SOX6: variants seen among roughly 807,000 people sequenced by gnomAD.
The protein encoded by SOX6 is SRY-box transcription factor 6.
SOX6 carries 11 observed loss-of-function variants against 97.8 expected under a neutral mutation model. The observed-to-expected ratio is 0.11, with a 90% confidence interval of 0.07 to 0.19. The LOEUF is 0.19. Among genes scored for constraint, SOX6 ranks in the 10% least tolerant of loss-of-function variants. The probability of loss-of-function intolerance (pLI) is 1.00; values close to 1 mark genes in which losing one functional copy is unlikely to be tolerated. For synonymous variants in SOX6, 360 were observed against 371.4 expected, an observed-to-expected ratio of 0.97 and a Z score of 0.35; for missense variants, 810 against 1,039.5, an observed-to-expected ratio of 0.78 and a Z score of 3.04.
chr11:16,582,957 C>T (rs527807555), intron 4 of SOX6, among the ~76,000 whole-genome samples: 13 of 152,094 alleles, frequency 8.5e-5, no homozygotes, highest in South Asian at 2.1e-4. Flanking sequence ...GATGGCAAGA[C>T]GCTACTATCA....
intron 1 of SOX6, among the ~76,000 whole-genome samples, chr11:16,440,470 G>C (rs1388844871): frequency 6.6e-6 from 1 of 152,148 alleles, no homozygotes; most frequent in Non-Finnish European, 1.5e-5. Flanking sequence ...GTGAAGCCAA[G>C]GGACCAGAAA....
chr11:16,177,483 T>A (rs1160483854), intron 6 of SOX6, among the ~76,000 whole-genome samples: 1 of 152,106 alleles, frequency 6.6e-6, no homozygotes, highest in South Asian at 2.1e-4. Context: ...GGAAACTTCA[T>A]ATTATACTTC....
At chr11:16,288,321 T>C (rs764159154) in intron 3 of SOX6, among the ~76,000 whole-genome samples, 2 of 152,054 alleles carry the variant, frequency 1.3e-5, no homozygotes, top group Non-Finnish European at 2.9e-5. Flanking sequence ...AATACTTTAT[T>C]CAACTTCTGT....
At chr11:16,297,893 G>C (rs1048945064) in intron 3 of SOX6, among the ~76,000 whole-genome samples, 2 of 152,174 alleles carry the variant, frequency 1.3e-5, no homozygotes, top group African/African-American at 4.8e-5. Flanking sequence ...AACAGGGTCA[G>C]AAATTAGCTG....
intron 3 of SOX6, among the ~76,000 whole-genome samples, chr11:16,290,213 C>T (rs1854874008): frequency 6.6e-6 from 1 of 151,808 alleles, no homozygotes; most frequent in East Asian, 1.9e-4. Context: ...AATAAGAGCA[C>T]TAAAAAATCT....
At chr11:16,253,056 A>T (rs1404235719) in intron 3 of SOX6, among the ~76,000 whole-genome samples, 1 of 152,174 alleles carries the variant, frequency 6.6e-6, no homozygotes, top group Non-Finnish European at 1.5e-5. Context: ...CAGTTTAAAG[A>T]AACTGGACAG....
intron 1 of SOX6, among the ~76,000 whole-genome samples, chr11:16,380,659 C>T (rs540042766): frequency 6.6e-6 from 1 of 152,010 alleles, no homozygotes; most frequent in Non-Finnish European, 1.5e-5. Flanking sequence ...TGTATTCTAT[C>T]CAACCAATCA....
intron 12 of SOX6, among the ~76,000 whole-genome samples, chr11:16,023,610 C>T (rs1855132326): frequency 6.6e-6 from 1 of 152,060 alleles, no homozygotes; most frequent in South Asian, 2.1e-4. Context: ...AGAAAGGGCT[C>T]TCCAAGAAGA....
chr11:16,124,379 A>G (rs1849561063), intron 6 of SOX6, among the ~76,000 whole-genome samples: 1 of 152,122 alleles, frequency 6.6e-6, no homozygotes, highest in Admixed American at 6.6e-5. Flanking sequence ...ACAAATACAT[A>G]CAGATATAAT....
At chr11:16,498,662 G>C (rs1180237632) in intron 4 of SOX6, among the ~76,000 whole-genome samples, 2 of 152,108 alleles carry the variant, frequency 1.3e-5, no homozygotes, top group Non-Finnish European at 2.9e-5. Context: ...TGCAATCCCA[G>C]TCTCTGATAA....
intron 9 of SOX6, among the ~76,000 whole-genome samples, chr11:16,086,662 A>G (rs2133962152): frequency 6.6e-6 from 1 of 152,274 alleles, no homozygotes; most frequent in African/African-American, 2.4e-5. Context: ...TGAAACTATA[A>G]GACAGGCCCA....
chr11:16,270,746 T>C (rs1055367788), intron 3 of SOX6, among the ~76,000 whole-genome samples: 4 of 151,412 alleles, frequency 2.6e-5, no homozygotes, highest in African/African-American at 9.7e-5. Flanking sequence ...AAACATGTTA[T>C]GCTAGTTGAT....
chr11:16,340,773 T>C (rs757667691), intron 2 of SOX6, among the ~76,000 whole-genome samples: 6 of 151,978 alleles, frequency 3.9e-5, no homozygotes, highest in Admixed American at 2.6e-4. Flanking sequence ...CCCACAAAAA[T>C]CAATCGATAA....
intron 3 of SOX6, among the ~76,000 whole-genome samples, chr11:16,714,337 T>C (rs2134049519): frequency 6.6e-6 from 1 of 152,094 alleles, no homozygotes; most frequent in Admixed American, 6.5e-5. Context: ...TTTCATACAA[T>C]GTCATGTTCA....
intron 9 of SOX6, among the ~76,000 whole-genome samples, chr11:16,058,753 T>C (rs1847877691): frequency 6.6e-6 from 1 of 152,008 alleles, no homozygotes; most frequent in Non-Finnish European, 1.5e-5. Flanking sequence ...CCATGGCACA[T>C]CACTCATTCT....
chr11:16,124,830 T>G (rs997148289), intron 6 of SOX6, among the ~76,000 whole-genome samples: 5 of 152,004 alleles, frequency 3.3e-5, no homozygotes, highest in African/African-American at 1.2e-4. Context: ...TGAGGAAAAC[T>G]GACTATAATA....
intron 1 of SOX6, chr11:16,402,571 G>C (rs1184830444): frequency 7.5e-7 from 1 of 1,325,380 alleles, no homozygotes; most frequent in East Asian, 2.3e-5. Flanking sequence ...GAATCTCAGA[G>C]ATGGTGACAA....
At chr11:16,217,777 C>A (rs943231707) in intron 4 of SOX6, among the ~76,000 whole-genome samples, 2 of 152,116 alleles carry the variant, frequency 1.3e-5, no homozygotes, top group Non-Finnish European at 2.9e-5. Flanking sequence ...TGGCTTGAAC[C>A]CATTCCAGAT....
chr11:16,453,759 G>A (rs145510365), intron 1 of SOX6, among the ~76,000 whole-genome samples: 43 of 152,182 alleles, frequency 2.8e-4, no homozygotes, highest in Non-Finnish European at 5.0e-4. Context: ...GAAGTACACT[G>A]ACAAAGAATA....
Sources: allele counts gnomAD v4.1 joint callset (sites outside exome capture counted in the v4.1 genomes callset), GRCh38; gene constraint gnomAD v4.1.1; transcripts MANE v1.5; gene names NCBI Gene and HGNC (gene_info 2026-07-23, HGNC 2026-07-21).